Variants in DHX30 observed in about 807,000 individuals in gnomAD.
DHX30 encodes the protein DExH-box helicase 30.
DHX30 carries 4 observed loss-of-function variants against 116.9 expected under a neutral mutation model. That is an observed-to-expected ratio of 0.03 (90% CI 0.02 to 0.08). The LOEUF (loss-of-function observed/expected upper bound fraction) is 0.08, where lower values mean the gene tolerates loss of function less well. DHX30 is among the 10% of genes least tolerant of loss of function. The pLI is 1.00. For synonymous variants in DHX30, 697 were observed against 651.7 expected, an observed-to-expected ratio of 1.07 and a Z score of -1.06; for missense variants, 871 against 1,595.1, an observed-to-expected ratio of 0.55 and a Z score of 7.73.
At chr3:47,835,086 C>G (rs2037041853) in intron 6 of DHX30, among the ~76,000 whole-genome samples, 3 of 152,066 alleles carry the variant, frequency 2.0e-5, no homozygotes, top group Non-Finnish European at 4.4e-5. Context: ...TTACTGCAGC[C>G]TCTGCCTCCT....
chr3:47,815,511 T>C (rs2036010377), intron 3 of DHX30, among the ~76,000 whole-genome samples: 1 of 152,106 alleles, frequency 6.6e-6, no homozygotes, highest in South Asian at 2.1e-4. Context: ...AGCAATTCCA[T>C]GCAGCATTGT....
chr3:47,813,791 C>T (rs951018662), intron 3 of DHX30, among the ~76,000 whole-genome samples: 19 of 151,844 alleles, frequency 1.3e-4, no homozygotes, highest in Admixed American at 1.2e-3. Context: ...GCTGGACGTA[C>T]TAGGGCTCAG....
At chr3:47,843,887 G>A (rs2037487914) in intron 9 of DHX30, among the ~76,000 whole-genome samples, 2 of 152,196 alleles carry the variant, frequency 1.3e-5, no homozygotes, top group African/African-American at 4.8e-5. Flanking sequence ...TTTTTGTAGA[G>A]ACAAGGGTCT....
intron 6 of DHX30, among the ~76,000 whole-genome samples, chr3:47,832,266 C>A (rs547772687): frequency 6.6e-6 from 1 of 152,078 alleles, no homozygotes; most frequent in Admixed American, 6.6e-5. Flanking sequence ...CCATGCATTT[C>A]GTCCTCAGCC....
intron 2 of DHX30, among the ~76,000 whole-genome samples, chr3:47,808,678 C>T (rs1052505786): frequency 9.3e-5 from 14 of 150,202 alleles, no homozygotes; most frequent in East Asian, 2.0e-4. Context: ...CGGGTTCAAG[C>T]GATTCTCCTG....
chr3:47,826,444 CT>C lies in DHX30; in HGVS notation c.125-885del, dbSNP rs978485673. The stretch of plus-strand genomic sequence containing the variant: ...CTGCTCAGATGTAGAGGTTTTCTTT[CT>C]TTTTTTTTTTTTTTTTTGAGATGGA... On this transcript the variant is annotated intron_variant, in intron 4 of 21. Coordinates refer to ENST00000445061, the MANE Select transcript of DHX30 (RefSeq NM_138615.3). Among the ~76,000 whole-genome samples, 609 of 133,934 alleles carry C rather than the reference CT, an allele frequency of 4.5e-3. 2 individuals are homozygous for C. The highest frequency in any genetic ancestry group is 0.011 in the African/African-American group (400 of 36,738). The allele number at this position is 133,934 out of a possible 152,430, so 87.9% of individuals were successfully genotyped here. A position where few individuals can be genotyped will look rare whatever the true frequency, so the allele number is the denominator to read the frequency against.
chr3:47,850,177 C>CTAT lies in DHX30; in HGVS notation c.*59_*61dup, dbSNP rs1447930286. ...GCAAATGTTTATTTAAAATAAAGTT[C>CTAT]TATTTATCCCTTGTGACCACTGCTG... On this transcript the variant is annotated 3_prime_UTR_variant, in exon 22 of 22. Coordinates refer to ENST00000445061, the MANE Select transcript of DHX30 (RefSeq NM_138615.3). 5 of 1,489,740 alleles carry CTAT rather than the reference C, an allele frequency of 3.4e-6. No homozygotes were observed. Among genetic ancestry groups the CTAT allele is most frequent in the South Asian group, 2.6e-5 (2 of 76,748 alleles). The allele number at this position is 1,489,740 out of a possible 1,614,324, so 92.3% of individuals were successfully genotyped here.
chr3:47,806,885 G>A (rs2035552710), intron 2 of DHX30, among the ~76,000 whole-genome samples: 3 of 151,610 alleles, frequency 2.0e-5, no homozygotes. Context: ...GAGCCACCAA[G>A]CCTGGCCCAC....
chr3:47,812,678 T>G (rs2035853728), intron 3 of DHX30, among the ~76,000 whole-genome samples: 1 of 150,924 alleles, frequency 6.6e-6, no homozygotes, highest in African/African-American at 2.4e-5. Flanking sequence ...TTTTTTTTTT[T>G]GAGACGGAGT....
rs975352158 is a variant in DHX30 at position 47,816,444 on chromosome 3, G to A, written c.29-1578G>A. ...GCGATCTCGGCTCACTGCATCCTCCGCCTCCCGGGTTCAAGTCATTCTCGT... is the reference window on the plus strand; with the variant it reads ...GCGATCTCGGCTCACTGCATCCTCCACCTCCCGGGTTCAAGTCATTCTCGT... On this transcript the variant is annotated intron_variant, in intron 3 of 21. Coordinates refer to ENST00000445061, the MANE Select transcript of DHX30 (RefSeq NM_138615.3). 3.8e-5 allele frequency: 37 copies of A among 973,974 alleles called. No individual in the cohort carries two copies. The African/African-American group carries it at 5.9e-4, about 15-fold the overall frequency. 60.3% of individuals were successfully genotyped at this position (973,974 alleles called of 1,614,324 possible). A position where few individuals can be genotyped will look rare whatever the true frequency, so the allele number is the denominator to read the frequency against.
At position 47,847,725 on chromosome 3, in the gene DHX30, AG is replaced by A. The variant is rs933168580; in HGVS notation, c.2111-50del. 8 of 1,580,004 alleles carry A rather than the reference AG, an allele frequency of 5.1e-6. No individual in the cohort carries two copies. Among genetic ancestry groups the A allele is most frequent in the South Asian group, 1.1e-5 (1 of 87,434 alleles). The stretch of plus-strand genomic sequence containing the variant: ...AAAATCCTTGCCCTGCCCACATTCC[AG>A]GGGGGAATTCTGGTGGAAGCAGTGC... On this transcript the variant is annotated intron_variant, in intron 13 of 21. Coordinates refer to ENST00000445061, the MANE Select transcript of DHX30 (RefSeq NM_138615.3). The surrounding 1 kb of genome is among the most constrained non-coding windows in gnomAD (Gnocchi z 5.5).
intron 4 of DHX30, among the ~76,000 whole-genome samples, chr3:47,818,982 C>A (rs2036175988): frequency 6.6e-6 from 1 of 152,148 alleles, no homozygotes; most frequent in Non-Finnish European, 1.5e-5. Context: ...CTTTGAAGGT[C>A]AAGAGCTCAG....
intron 6 of DHX30, among the ~76,000 whole-genome samples, chr3:47,836,968 A>G (rs575003202): frequency 1.4e-4 from 21 of 152,158 alleles, no homozygotes; most frequent in African/African-American, 4.8e-4. Context: ...CCCAAATCAG[A>G]TGTCTTTTTC....
chr3:47,841,220 C>A, intron 7 of DHX30, 42 bp downstream of exon 7: 2 of 1,602,718 alleles, frequency 1.2e-6, no homozygotes, highest in South Asian at 2.2e-5. Flanking sequence ...CTGGCTGTGC[C>A]TTGACACGGG....
chr3:47,810,755 G>A, intron 3 of DHX30, 44 bp downstream of exon 3: 1 of 1,579,110 alleles, frequency 6.3e-7, no homozygotes, highest in Non-Finnish European at 8.7e-7. Flanking sequence ...CTTCCTTATT[G>A]GGATGGGCAG....
At chr3:47,849,398 C>CCTGT in intron 19 of DHX30, 49 bp downstream of exon 19, 1 of 1,584,438 alleles carries the variant, frequency 6.3e-7, no homozygotes, top group Non-Finnish European at 8.6e-7. Context: ...AGCCTCCTTC[C>CCTGT]CTGTCTGCAG....
At chr3:47,838,240 G>A (rs1394658543) in intron 6 of DHX30, among the ~76,000 whole-genome samples, 1 of 152,192 alleles carries the variant, frequency 6.6e-6, no homozygotes, top group Non-Finnish European at 1.5e-5. Context: ...TAATCCTGCG[G>A]TTTTCACGCG....
At chr3:47,846,088 G>A (rs2037592522) in intron 10 of DHX30, 77 bp from the exon 11 acceptor site, 3 of 1,507,190 alleles carry the variant, frequency 2.0e-6, no homozygotes, top group South Asian at 1.2e-5. Flanking sequence ...TGACCCAGGC[G>A]AATCCTGCAG....
chr3:47,815,723 CAAAAAAAAAAAAA>C (rs11349970), intron 3 of DHX30, among the ~76,000 whole-genome samples: 9 of 20,758 alleles, frequency 4.3e-4, no homozygotes, highest in African/African-American at 6.4e-4. Flanking sequence ...TAAAAAAGAG[CAAAAAAAAAAAAA>C]AAAAAAAAAA....
Sources: gnomAD v4.1 joint callset for allele counts (sites outside exome capture counted in the v4.1 genomes callset) on GRCh38, gnomAD v4.1.1 for gene constraint, Gnocchi (gnomAD v3.1) non-coding constraint, MANE v1.5 for transcripts, NCBI Gene and HGNC (gene_info 2026-07-23, HGNC 2026-07-21) for gene names.